The following LRRTM4 variants were observed in gnomAD, a reference collection of about 807,000 sequenced individuals.
The protein encoded by LRRTM4 is leucine rich repeat transmembrane neuronal 4, also known as leucine-rich repeat transmembrane neuronal protein 4.
A neutral mutation model predicts 47.6 loss-of-function variants in LRRTM4; 25 were observed. That is an observed-to-expected ratio of 0.53 (90% CI 0.38 to 0.73). The LOEUF (loss-of-function observed/expected upper bound fraction) is 0.73. Among genes scored for constraint, LRRTM4 ranks in the 30% least tolerant of loss-of-function variants. The pLI is 0.00. For synonymous variants in LRRTM4, 311 were observed against 269.5 expected (o/e 1.15, Z -1.51); for missense variants, 638 against 713.4 (o/e 0.89, Z 1.20).
intron 3 of LRRTM4, among the ~76,000 whole-genome samples, chr2:77,139,872 C>A (rs10062751): frequency 6.6e-6 from 1 of 152,070 alleles, no homozygotes; most frequent in African/African-American, 2.4e-5. Context: ...CTCCCATTCA[C>A]AATTGCTTCA....
chr2:77,294,235 C>G (rs1331013853), intron 3 of LRRTM4, among the ~76,000 whole-genome samples: 1 of 151,778 alleles, frequency 6.6e-6, no homozygotes, highest in Non-Finnish European at 1.5e-5. Flanking sequence ...ATCAACTATT[C>G]GATCAATAGT....
At chr2:77,011,760 A>AC (rs1677885022) in intron 3 of LRRTM4, among the ~76,000 whole-genome samples, 2 of 152,066 alleles carry the variant, frequency 1.3e-5, no homozygotes, top group African/African-American at 4.8e-5. Flanking sequence ...TGGGGTAAAT[A>AC]TATAACTCTT....
intron 3 of LRRTM4, among the ~76,000 whole-genome samples, chr2:76,899,685 AG>A (rs1309304566): frequency 6.6e-6 from 1 of 152,182 alleles, no homozygotes; most frequent in Non-Finnish European, 1.5e-5. Context: ...TGGAATTACT[AG>A]GAATATTGAT....
chr2:77,412,978 G>A (rs1408180652), intron 3 of LRRTM4, among the ~76,000 whole-genome samples: 3 of 152,058 alleles, frequency 2.0e-5, no homozygotes, highest in Non-Finnish European at 4.4e-5. Context: ...TACTTAAAAA[G>A]CATTTTTGTG....
chr2:76,935,460 A>G (rs1436300122), intron 3 of LRRTM4, among the ~76,000 whole-genome samples: 1 of 152,128 alleles, frequency 6.6e-6, no homozygotes, highest in Non-Finnish European at 1.5e-5. Flanking sequence ...CATTTTCACG[A>G]TACTGAGTCT....
intron 3 of LRRTM4, among the ~76,000 whole-genome samples, chr2:77,114,846 G>A (rs1160446176): frequency 6.6e-6 from 1 of 152,116 alleles, no homozygotes; most frequent in Admixed American, 6.5e-5. Context: ...GCTCCAAAGG[G>A]CAATAAAGAT....
At chr2:77,478,957 C>T (rs561539498) in intron 3 of LRRTM4, among the ~76,000 whole-genome samples, 1 of 152,136 alleles carries the variant, frequency 6.6e-6, no homozygotes, top group African/African-American at 2.4e-5. Flanking sequence ...TGCAATGGTG[C>T]GATCTAGGCT....
intron 3 of LRRTM4, among the ~76,000 whole-genome samples, chr2:77,206,669 A>G (rs906136410): frequency 1.3e-5 from 2 of 151,794 alleles, no homozygotes; most frequent in African/African-American, 4.8e-5. Flanking sequence ...TTTTTAGTAG[A>G]GATGGGGTTT....
intron 3 of LRRTM4, among the ~76,000 whole-genome samples, chr2:76,920,743 G>A (rs1047132993): frequency 6.6e-6 from 1 of 152,046 alleles, no homozygotes; most frequent in African/African-American, 2.4e-5. Flanking sequence ...AACTTATAGT[G>A]CATGGTAGAT....
intron 3 of LRRTM4, among the ~76,000 whole-genome samples, chr2:77,350,051 G>C (rs1158528599): frequency 1.3e-5 from 2 of 151,790 alleles, no homozygotes; most frequent in Non-Finnish European, 2.9e-5. Context: ...GGCCGGGCGC[G>C]GTGGCTCACG....
chr2:76,895,609 T>C (rs540774025), intron 3 of LRRTM4, among the ~76,000 whole-genome samples: 33 of 152,172 alleles, frequency 2.2e-4, no homozygotes, highest in African/African-American at 7.9e-4. Context: ...CCTTGAACTC[T>C]AGATCTGTCC....
chr2:77,331,760 A>G (rs1209309466), intron 3 of LRRTM4, among the ~76,000 whole-genome samples: 1 of 152,122 alleles, frequency 6.6e-6, no homozygotes, highest in Non-Finnish European at 1.5e-5. Flanking sequence ...GATTACTTCT[A>G]TTCTGACACT....
intron 3 of LRRTM4, among the ~76,000 whole-genome samples, chr2:77,167,004 T>A (rs887697970): frequency 2.0e-5 from 3 of 151,968 alleles, no homozygotes; most frequent in Non-Finnish European, 4.4e-5. Context: ...GAAACTACCA[T>A]CAGAGTGAAG....
chr2:77,493,338 T>A (rs2104052044), intron 3 of LRRTM4, among the ~76,000 whole-genome samples: 1 of 152,194 alleles, frequency 6.6e-6, no homozygotes, highest in South Asian at 2.1e-4. Context: ...CGAAGCATTA[T>A]ATTCAATAAT....
At chr2:77,285,340 TTATATATATATA>T (rs10527679) in intron 3 of LRRTM4, among the ~76,000 whole-genome samples, 3 of 82,610 alleles carry the variant, frequency 3.6e-5, no homozygotes, top group South Asian at 5.5e-4. Context: ...AGCATTAAAT[TTATATATATATA>T]TATATATATA....
At chr2:76,756,485 A>C (rs1242681398) in intron 3 of LRRTM4, among the ~76,000 whole-genome samples, 5 of 152,174 alleles carry the variant, frequency 3.3e-5, no homozygotes, top group Non-Finnish European at 7.3e-5. Context: ...ATATTGAATT[A>C]GAATAAACCT....
At position 77,345,805 on chromosome 2, in the gene LRRTM4, C is replaced by A. The variant is rs572112421; in HGVS notation, c.1551+172513G>T. Among the ~76,000 whole-genome samples the A allele has an allele frequency of 1.3e-3, 202 of 150,754 alleles. 1 individual carries two copies. The highest frequency in any genetic ancestry group is 1.3e-3 in the Non-Finnish European group (91 of 67,734). On this transcript the variant is annotated intron_variant, in intron 3 of 3. Transcript: ENST00000409884. Reference sequence around the variant, plus strand: ...TTGTGATCTCACTGTCAGATATTTACCCCTGAGGAAAAACATATATATATA... The same window carrying A: ...TTGTGATCTCACTGTCAGATATTTAACCCTGAGGAAAAACATATATATATA...
chr2:77,069,838 T>G (rs1360184683), intron 3 of LRRTM4, among the ~76,000 whole-genome samples: 1 of 152,220 alleles, frequency 6.6e-6, no homozygotes, highest in East Asian at 1.9e-4. Flanking sequence ...GCTTTATCAT[T>G]TTCGCATTTT....
intron 3 of LRRTM4, among the ~76,000 whole-genome samples, chr2:77,006,788 G>C (rs1677668174): frequency 6.6e-6 from 1 of 152,154 alleles, no homozygotes; most frequent in South Asian, 2.1e-4. Flanking sequence ...CTGCTCACAA[G>C]AAACAGGCAA....
Sources: gnomAD v4.1 joint callset for allele counts (sites outside exome capture counted in the v4.1 genomes callset) on GRCh38, gnomAD v4.1.1 for gene constraint, MANE v1.5 for transcripts, NCBI Gene and HGNC (gene_info 2026-07-23, HGNC 2026-07-21) for gene names.